The following TTC7A variants were observed in gnomAD, a reference collection of about 807,000 sequenced individuals.
The protein encoded by TTC7A is tetratricopeptide repeat domain 7A.
A neutral mutation model predicts 103.7 loss-of-function variants in TTC7A; 110 were observed. The ratio of observed to expected loss-of-function variants is 1.06; its 90% CI spans 0.91 to 1.24. TTC7A has a LOEUF of 1.24. Among genes scored for constraint, TTC7A ranks in the 50% most tolerant of loss-of-function variants. TTC7A has a pLI of 0.00. For synonymous variants in TTC7A, 521 were observed against 467.9 expected, an observed-to-expected ratio of 1.11 and a Z score of -1.47; for missense variants, 1,340 against 1,116.3, an observed-to-expected ratio of 1.20 and a Z score of -2.86.
At chr2:47,068,573 G>A (rs1684377604) in intron 19 of TTC7A, 1 of 152,062 alleles carries the variant, frequency 6.6e-6, no homozygotes, top group Non-Finnish European at 1.5e-5. Flanking sequence ...GGAAAGTAGA[G>A]GAGACGAAAG....
At chr2:46,984,894 G>A (rs1305053658) in intron 5 of TTC7A, among the ~76,000 whole-genome samples, 2 of 152,200 alleles carry the variant, frequency 1.3e-5, no homozygotes, top group African/African-American at 2.4e-5. Flanking sequence ...GCCCGTGGGT[G>A]TGTGGGAGAA....
upstream of TTC7A, among the ~76,000 whole-genome samples, chr2:46,939,350 C>T (rs1670140218): frequency 6.6e-6 from 1 of 152,104 alleles, no homozygotes; most frequent in Non-Finnish European, 1.5e-5. Context: ...AGTTTTTTTA[C>T]ACCCCTGAGA....
chr2:46,953,647 C>G (rs1671594219), intron 2 of TTC7A, among the ~76,000 whole-genome samples: 1 of 152,098 alleles, frequency 6.6e-6, no homozygotes, highest in African/African-American at 2.4e-5. Context: ...TCTTGGTTAT[C>G]TCTCTAAGAC....
At chr2:46,966,627 G>A (rs1427406496) in intron 3 of TTC7A, among the ~76,000 whole-genome samples, 6 of 150,292 alleles carry the variant, frequency 4.0e-5, no homozygotes, top group Admixed American at 1.3e-4. Context: ...ATACTGAAAT[G>A]GATATCCTTG....
chr2:47,011,177 C>T (rs1046397894), intron 10 of TTC7A, among the ~76,000 whole-genome samples, 154 bp from the exon 11 acceptor site: 7 of 152,236 alleles, frequency 4.6e-5, no homozygotes, highest in Non-Finnish European at 8.8e-5. Context: ...TGCCTGCCGA[C>T]ACTGCCTAGG....
chr2:46,945,922 C>T (rs1390848577), intron 1 of TTC7A, among the ~76,000 whole-genome samples: 1 of 152,208 alleles, frequency 6.6e-6, no homozygotes, highest in African/African-American at 2.4e-5. Context: ...TGCCCGTTTG[C>T]CCCAGCGGGG....
chr2:46,966,195 C>T (rs1672823278), intron 3 of TTC7A, among the ~76,000 whole-genome samples: 2 of 152,154 alleles, frequency 1.3e-5, no homozygotes, highest in South Asian at 4.1e-4. Context: ...ATGATCCTCC[C>T]GCCTCAGGCT....
Position 46,972,784 on chromosome 2 carries a change from G to A in TTC7A, c.518-2189G>A, listed in dbSNP as rs188859080. ...GCATGTAAAATGCTGCATAACTCGA[G>A]CACCTACTATGTGAGGTGCTGTTCT... On this transcript the variant is annotated intron_variant, in intron 3 of 19. Transcript: ENST00000319190. Among the ~76,000 whole-genome samples, 3 of 152,336 alleles carry A rather than the reference G, an allele frequency of 2.0e-5. No homozygotes were observed. In the East Asian group the frequency reaches 5.8e-4, roughly 29 times the overall value.
intron 19 of TTC7A, among the ~76,000 whole-genome samples, chr2:47,067,426 G>C (rs1226680609): frequency 6.6e-6 from 1 of 152,260 alleles, no homozygotes; most frequent in Non-Finnish European, 1.5e-5. Context: ...CTTAGTGTGG[G>C]ATGAGGGTCT....
chr2:46,993,591 A>C (rs1375799029), intron 6 of TTC7A, 63 bp downstream of exon 6: 2 of 1,507,232 alleles, frequency 1.3e-6, no homozygotes, highest in African/African-American at 2.8e-5. Context: ...AGACAACAGA[A>C]GTCCTTGCAG....
intron 19 of TTC7A, among the ~76,000 whole-genome samples, chr2:47,070,846 T>C (rs541576916): frequency 3.9e-5 from 6 of 152,290 alleles, no homozygotes; most frequent in African/African-American, 7.2e-5. Context: ...CATAAACAAC[T>C]TGGACATCAC....
At chr2:47,049,767 C>G (rs568745422) in intron 16 of TTC7A, among the ~76,000 whole-genome samples, 182 bp from the exon 17 acceptor site, 2 of 152,244 alleles carry the variant, frequency 1.3e-5, no homozygotes, top group South Asian at 4.1e-4. Context: ...CCTCCTGCCT[C>G]TCTAGTGATG....
chr2:46,943,391 G>C (rs1245085615), intron 1 of TTC7A, among the ~76,000 whole-genome samples: 1 of 152,142 alleles, frequency 6.6e-6, no homozygotes, highest in African/African-American at 2.4e-5. Context: ...ACGGAGCCTG[G>C]GCTGGCTTCA....
rs2103680773 is a variant in TTC7A, at chr2:47,074,224, C to T, written c.*301C>T. On this transcript the variant is annotated 3_prime_UTR_variant, in exon 20 of 20. Coordinates refer to ENST00000319190, the MANE Select transcript of TTC7A (RefSeq NM_020458.4). The stretch of plus-strand genomic sequence containing the variant: ...GGGGAGCCTCACAGCTGTCCTTCAC[C>T]CTCACCCATGCCTCTGGCTTGGAGT... The T allele has an allele frequency of 2.3e-6, 1 of 439,452 alleles. No homozygotes were observed. Among genetic ancestry groups the T allele is most frequent in the Non-Finnish European group, 4.2e-6 (1 of 240,132 alleles). 27.2% of individuals were successfully genotyped at this position (439,452 alleles called of 1,614,324 possible). A position where few individuals can be genotyped will look rare whatever the true frequency, so the allele number is the denominator to read the frequency against.
At chr2:46,993,305 A>C in intron 5 of TTC7A, 145 bp from the exon 6 acceptor site, 2 of 730,050 alleles carry the variant, frequency 2.7e-6, no homozygotes, top group Non-Finnish European at 4.8e-6. Flanking sequence ...CTGGTGTTAC[A>C]ACTCTAACTT....
intron 1 of TTC7A, among the ~76,000 whole-genome samples, chr2:46,943,999 T>C (rs1670700918): frequency 1.3e-5 from 2 of 152,130 alleles, no homozygotes; most frequent in Non-Finnish European, 1.5e-5. Context: ...CTTAGCAGAG[T>C]AGGCCCCTGT....
chr2:46,921,919 C>A (rs908581217), intron 2 of TTC7A, among the ~76,000 whole-genome samples: 5 of 152,200 alleles, frequency 3.3e-5, no homozygotes, highest in African/African-American at 1.2e-4. Flanking sequence ...CACTCGCCCA[C>A]CCAGTGCTCA....
intron 19 of TTC7A, among the ~76,000 whole-genome samples, chr2:47,066,931 G>A (rs1171491877): frequency 6.6e-6 from 1 of 152,226 alleles, no homozygotes; most frequent in African/African-American, 2.4e-5. Flanking sequence ...TCTGGAGGCT[G>A]AGAAGTCAAA....
intron 1 of TTC7A, among the ~76,000 whole-genome samples, chr2:46,945,484 A>G (rs1018290326): frequency 3.3e-5 from 5 of 152,182 alleles, no homozygotes; most frequent in African/African-American, 4.8e-5. Context: ...TGTTGACCTC[A>G]TGTTCCAGCC....
Sources: allele counts gnomAD v4.1 joint callset (sites outside exome capture counted in the v4.1 genomes callset), GRCh38; gene constraint gnomAD v4.1.1; transcripts MANE v1.5; gene names NCBI Gene and HGNC (gene_info 2026-07-23, HGNC 2026-07-21).